The following ALG9 variants were observed in gnomAD, a reference collection of about 807,000 sequenced individuals.
The protein encoded by ALG9 is alpha-1,2-mannosyltransferase ALG9.
Under a neutral mutation model 81.8 loss-of-function variants are expected in ALG9, and 55 were observed. That is an observed-to-expected ratio of 0.67 (90% CI 0.54 to 0.84). The LOEUF (loss-of-function observed/expected upper bound fraction) is 0.84, where lower values mean the gene tolerates loss of function less well. ALG9 is among the 40% of genes least tolerant of loss of function. ALG9 has a pLI of 0.00. For synonymous variants in ALG9, 278 were observed against 274.3 expected (o/e 1.01, Z -0.13); for missense variants, 629 against 745.0 (o/e 0.84, Z 1.81).
At chr11:111,776,189 A>AT in the ALG9 span, among the ~76,000 whole-genome samples, 4 of 152,206 alleles carry the variant, frequency 2.6e-5, no homozygotes, top group African/African-American at 9.6e-5. Context: ...AATAACAAAA[A>AT]ATAAATAAAA....
In ALG9 at chr11:111,838,304, T is replaced by C; in HGVS notation, c.1269A>G (p.Gly423=). The C allele has an allele frequency of 4.3e-6, 7 of 1,614,166 alleles. No homozygotes were observed. The highest frequency in any genetic ancestry group is 5.1e-6 in the Non-Finnish European group (6 of 1,180,006). Residue 423 remains glycine, a synonymous_variant, in exon 11 of 15, where the codon GGA becomes GGG. Coordinates refer to ENST00000616540, the MANE Select transcript of ALG9 (RefSeq NM_024740.2). The part of the protein sequence containing the change: ...YTVTSNWLAL[G]TVFLFGLLSF... ...ACAAGAGCCCAAACAGGAAGACAGT[T>C]CCTAATGCCAGCCAATTCGATGTCA...
At chr11:111,863,838 T>A (rs1255029143) in intron 4 of ALG9, among the ~76,000 whole-genome samples, 1 of 152,208 alleles carries the variant, frequency 6.6e-6, no homozygotes, top group East Asian at 1.9e-4. Flanking sequence ...CAAATCATGA[T>A]CCTGTATCTT....
At chr11:111,805,275 A>G in intron 14 of ALG9, 1 of 456,314 alleles carries the variant, frequency 2.2e-6, no homozygotes, top group South Asian at 1.5e-5. Flanking sequence ...CCAGAACTTG[A>G]CTATACTGGC....
At chr11:111,805,772 T>C (rs182926871) in intron 14 of ALG9, among the ~76,000 whole-genome samples, 4 of 152,252 alleles carry the variant, frequency 2.6e-5, no homozygotes, top group African/African-American at 7.2e-5. Flanking sequence ...ACACCAAGGG[T>C]GAACCCTAAT....
At chr11:111,775,333 G>A in the ALG9 span, among the ~76,000 whole-genome samples, 1 of 152,140 alleles carries the variant, frequency 6.6e-6, no homozygotes, top group African/African-American at 2.4e-5. Context: ...AGTAAGAAGG[G>A]ACCAGTGCCA....
At chr11:111,870,911 T>C (rs1158690134) in intron 1 of ALG9, 3 of 999,182 alleles carry the variant, frequency 3.0e-6, no homozygotes, top group East Asian at 1.1e-4. Context: ...CAATTCCATA[T>C]GTTGACAGCT....
rs1555119606 is a variant in ALG9, at chr11:111,838,256, C to G, written c.1317G>C (p.Leu439=). ...GLLSFSRSVA[L]FRGYHGPLDL... Reference sequence around the variant, plus strand: ...TATTCTTAGAAGATCTACCTCTGAACAGTGCCACAGAGCGAGAAAATGACA... The same window carrying G: ...TATTCTTAGAAGATCTACCTCTGAAGAGTGCCACAGAGCGAGAAAATGACA... Residue 439 remains leucine (L), a synonymous_variant, in exon 11 of 15, where the codon CTG becomes CTC. Coordinates refer to ENST00000616540, the MANE Select transcript of ALG9 (RefSeq NM_024740.2). The G allele has an allele frequency of 6.2e-7, 1 of 1,614,136 alleles. No individual in the cohort carries two copies. Among genetic ancestry groups the G allele is most frequent in the Admixed American group, 1.7e-5 (1 of 60,016 alleles).
Position 111,782,621 on chromosome 11 carries a change from T to C in ALG9, c.*3776A>G, listed in dbSNP as rs963786134. ...TTCTCCCTCTTCAGAGAAAATAAAA[T>C]TAACCAAATTAAAAGCAGAGCTGCC... On this transcript the variant is annotated 3_prime_UTR_variant, in exon 15 of 15. Coordinates refer to ENST00000616540, the MANE Select transcript of ALG9 (RefSeq NM_024740.2). 6.6e-6 allele frequency: 1 copy of C among 152,274 alleles called. No individual in the cohort carries two copies. The highest frequency in any genetic ancestry group is 1.5e-5 in the Non-Finnish European group (1 of 68,010). The allele number at this position is 152,274 out of a possible 1,614,324, so 9.4% of individuals were successfully genotyped here. A position where few individuals can be genotyped will look rare whatever the true frequency, so the allele number is the denominator to read the frequency against.
At chr11:111,812,373 G>A (rs1448450484) in intron 13 of ALG9, among the ~76,000 whole-genome samples, 1 of 152,068 alleles carries the variant, frequency 6.6e-6, no homozygotes, top group Non-Finnish European at 1.5e-5. Flanking sequence ...TTTGAGATAA[G>A]CCTAGGCAAG....
chr11:111,776,450 C>T, the ALG9 span, among the ~76,000 whole-genome samples: 4 of 152,098 alleles, frequency 2.6e-5, no homozygotes, highest in African/African-American at 4.8e-5. Flanking sequence ...GTTAGCCAGG[C>T]GTGGTGGCGT....
At chr11:111,774,427 T>C in the ALG9 span, among the ~76,000 whole-genome samples, 3 of 152,160 alleles carry the variant, frequency 2.0e-5, no homozygotes, top group Admixed American at 6.6e-5. Context: ...ATAGTGTACA[T>C]AGTATCTTAC....
At chr11:111,802,392 T>G (rs1441373417) in intron 14 of ALG9, among the ~76,000 whole-genome samples, 2 of 152,206 alleles carry the variant, frequency 1.3e-5, no homozygotes, top group African/African-American at 4.8e-5. Flanking sequence ...ATAACATGAA[T>G]GAACCTCAAA....
At chr11:111,811,497 T>C (rs1454644336) in intron 13 of ALG9, among the ~76,000 whole-genome samples, 3 of 143,196 alleles carry the variant, frequency 2.1e-5, no homozygotes, top group African/African-American at 5.3e-5. Flanking sequence ...GAGCCAAGAT[T>C]ACACCACTGC....
chr11:111,804,993 A>G (rs781867555), intron 14 of ALG9: 5 of 235,312 alleles, frequency 2.1e-5, no homozygotes, highest in Non-Finnish European at 4.2e-5. Flanking sequence ...ATGTCCACAC[A>G]AAAACCTGCA....
intron 6 of ALG9, among the ~76,000 whole-genome samples, chr11:111,856,276 C>CAAAAAAA (rs1175162630): frequency 1.0e-4 from 4 of 38,526 alleles, no homozygotes; most frequent in Non-Finnish European, 1.9e-4. Flanking sequence ...GACTCCATCT[C>CAAAAAAA]AAAAAAAAAA....
At chr11:111,843,911 C>T (rs1020443513) in intron 9 of ALG9, among the ~76,000 whole-genome samples, 3 of 152,196 alleles carry the variant, frequency 2.0e-5, no homozygotes, top group Non-Finnish European at 4.4e-5. Flanking sequence ...TTTATACTTT[C>T]GTTTGAAGTA....
At chr11:111,780,406 G>GTTTTTCA (rs1945867094), downstream of ALG9, among the ~76,000 whole-genome samples, 1 of 139,846 alleles carries the variant, frequency 7.2e-6, no homozygotes, top group African/African-American at 2.8e-5. Context: ...TTTGTTTTTT[G>GTTTTTCA]TTTTTTTTGA....
At chr11:111,779,417 CAG>C (rs1945804939), downstream of ALG9, among the ~76,000 whole-genome samples, 1 of 152,088 alleles carries the variant, frequency 6.6e-6, no homozygotes, top group South Asian at 2.1e-4. Context: ...AAACCCTTGT[CAG>C]AGGAAGTTTG....
the ALG9 span, among the ~76,000 whole-genome samples, chr11:111,775,129 A>G: frequency 1.9e-4 from 29 of 152,294 alleles, no homozygotes; most frequent in South Asian, 5.2e-3. Context: ...CAACATAAAT[A>G]GTAGATTTCA....
Sources: gnomAD v4.1 joint callset for allele counts (sites outside exome capture counted in the v4.1 genomes callset) on GRCh38, gnomAD v4.1.1 for gene constraint, MANE v1.5 for transcripts, NCBI Gene and HGNC (gene_info 2026-07-23, HGNC 2026-07-21) for gene names.